The following SULT1E1 variants were observed in gnomAD, a reference collection of about 807,000 sequenced individuals.
SULT1E1 encodes the protein sulfotransferase 1E1.
In SULT1E1, 36 loss-of-function variants were observed where a neutral mutation model predicts 33.6. The observed-to-expected ratio is 1.07, with a 90% CI of 0.82 to 1.41. SULT1E1 has a LOEUF of 1.41. SULT1E1 is among the 40% of genes most tolerant of loss of function. The pLI, the probability that SULT1E1 is intolerant of heterozygous loss-of-function variation, is 0.00. For synonymous variants in SULT1E1, 121 were observed against 111.7 expected, an observed-to-expected ratio of 1.08 and a Z score of -0.53; for missense variants, 371 against 345.7, an observed-to-expected ratio of 1.07 and a Z score of -0.58.
At chr4:69,847,172 T>C (rs1417980245) in intron 6 of SULT1E1, among the ~76,000 whole-genome samples, 2 of 151,746 alleles carry the variant, frequency 1.3e-5, no homozygotes, top group African/African-American at 4.8e-5. Context: ...CATCTCTTAA[T>C]TTTTCATATT....
chr4:69,853,569 C>A (rs1721170413), intron 4 of SULT1E1, among the ~76,000 whole-genome samples: 1 of 152,104 alleles, frequency 6.6e-6, no homozygotes, highest in South Asian at 2.1e-4. Flanking sequence ...GATGCCTTCC[C>A]TACCCCCAGT....
intron 1 of SULT1E1, among the ~76,000 whole-genome samples, chr4:69,859,474 A>G (rs929584055): frequency 1.3e-5 from 2 of 152,284 alleles, no homozygotes; most frequent in Non-Finnish European, 2.9e-5. Flanking sequence ...CTCCAGCACT[A>G]TGACACAAAG....
chr4:69,830,203 G>T, the SULT1E1 span, among the ~76,000 whole-genome samples: 1 of 152,132 alleles, frequency 6.6e-6, no homozygotes, highest in Non-Finnish European at 1.5e-5. Context: ...TTCCTGTAAG[G>T]GCTGCTGCCA....
chr4:69,835,629 T>C, the SULT1E1 span, among the ~76,000 whole-genome samples: 5 of 152,192 alleles, frequency 3.3e-5, no homozygotes, highest in African/African-American at 1.2e-4. Flanking sequence ...GATAAATATT[T>C]ACTGAATACT....
At chr4:69,837,319 T>C (rs77830041), downstream of SULT1E1, among the ~76,000 whole-genome samples, 1,938 of 152,206 alleles carry the variant, frequency 0.013, 16 homozygotes, top group Non-Finnish European at 0.021. Flanking sequence ...AGTAAAACAT[T>C]TGGAGCAATC....
At chr4:69,847,845 C>A in intron 5 of SULT1E1, 53 bp from the exon 6 acceptor site, 2 of 1,027,400 alleles carry the variant, frequency 1.9e-6, no homozygotes, top group South Asian at 1.4e-5. Context: ...TAAAACTGCT[C>A]GAAAACTAGT....
downstream of SULT1E1, among the ~76,000 whole-genome samples, chr4:69,838,149 T>C (rs1281959368): frequency 2.0e-5 from 3 of 152,178 alleles, no homozygotes; most frequent in Non-Finnish European, 4.4e-5. Flanking sequence ...ATTTTAGCAA[T>C]GTAGGTCCTC....
At chr4:69,856,133 T>C (rs982722247) in intron 2 of SULT1E1, among the ~76,000 whole-genome samples, 1 of 152,170 alleles carries the variant, frequency 6.6e-6, no homozygotes, top group African/African-American at 2.4e-5. Flanking sequence ...AGAAGCCCAG[T>C]CTCTCTTTTT....
At chr4:69,857,387 C>T (rs1208853107) in intron 2 of SULT1E1, 113 bp downstream of exon 2, 8 of 1,308,164 alleles carry the variant, frequency 6.1e-6, no homozygotes, top group East Asian at 2.5e-5. Context: ...TCAAAACTAC[C>T]GCATCTGTTC....
intron 5 of SULT1E1, 155 bp downstream of exon 5, chr4:69,849,282 G>T: frequency 1.3e-6 from 1 of 752,736 alleles, no homozygotes; most frequent in Non-Finnish European, 2.0e-6. Context: ...GACACAGTAT[G>T]CTTGCTCTAA....
At chr4:69,831,942 C>G in the SULT1E1 span, among the ~76,000 whole-genome samples, 2 of 152,180 alleles carry the variant, frequency 1.3e-5, no homozygotes, top group Non-Finnish European at 2.9e-5. Flanking sequence ...CACACACTTC[C>G]CCTCTCCCAG....
At chr4:69,850,211 A>G (rs896163969) in intron 4 of SULT1E1, among the ~76,000 whole-genome samples, 3 of 152,102 alleles carry the variant, frequency 2.0e-5, no homozygotes, top group African/African-American at 7.2e-5. Flanking sequence ...AAAACAGTAC[A>G]GTAATTTTTG....
rs185716544 is a variant in SULT1E1, at chr4:69,846,085, A to G, written c.591+1613T>C. On this transcript the variant is annotated intron_variant, in intron 6 of 7. Transcript: ENST00000226444. ...TTTGGTGATAGTAAAGGATAAGAAA[A>G]TAGAGAAAATTTCTCACCTCTTAAT... Among the ~76,000 whole-genome samples the G allele has an allele frequency of 2.1e-4, 31 of 150,792 alleles. No homozygotes were observed. The East Asian group carries it at 5.8e-3, about 28-fold the overall frequency.
In SULT1E1 at chr4:69,855,415, C is replaced by T. The variant is rs1393123762; in HGVS notation, c.157G>A (p.Val53Ile). 1 of 1,610,574 alleles carries T rather than the reference C, an allele frequency of 6.2e-7. No individual in the cohort carries two copies. Among genetic ancestry groups the T allele is most frequent in the Non-Finnish European group, 8.5e-7 (1 of 1,178,262 alleles). ...TAGATCATATACACAATTTCACTAA[C>T]CCAGGTTGTACCTGTAAAAATTAAA... The part of the protein sequence containing the change: ...ATYPKSGTTW[V>I]SEIVYMIYKE... Residue 53 changes from valine to isoleucine, a missense_variant, in exon 3 of 8, where the codon GTT (valine) becomes ATT (isoleucine). Coordinates refer to ENST00000226444, the MANE Select transcript of SULT1E1 (RefSeq NM_005420.3).
intron 4 of SULT1E1, among the ~76,000 whole-genome samples, chr4:69,853,429 A>G (rs1462284737): frequency 6.6e-6 from 1 of 152,110 alleles, no homozygotes; most frequent in Admixed American, 6.6e-5. Context: ...ATCTGCCTTT[A>G]CTTATTTAGC....
intron 6 of SULT1E1, among the ~76,000 whole-genome samples, chr4:69,845,402 C>A: frequency 6.6e-6 from 1 of 150,902 alleles, no homozygotes; most frequent in African/African-American, 2.4e-5. Context: ...GTCATGTACC[C>A]CATAAATATA....
the SULT1E1 span, among the ~76,000 whole-genome samples, chr4:69,822,143 T>A: frequency 6.6e-6 from 1 of 152,236 alleles, no homozygotes; most frequent in Non-Finnish European, 1.5e-5. Context: ...TATGTAATTA[T>A]TGTGATATAA....
chr4:69,859,734 C>T (rs1721325822), intron 1 of SULT1E1, among the ~76,000 whole-genome samples: 1 of 152,184 alleles, frequency 6.6e-6, no homozygotes, highest in East Asian at 1.9e-4. Flanking sequence ...CCTCCTTCTA[C>T]CCTGCTTGCT....
intron 5 of SULT1E1, among the ~76,000 whole-genome samples, chr4:69,848,453 T>G (rs4149535): frequency 0.15 from 22,153 of 151,790 alleles, 1,992 homozygotes; most frequent in Non-Finnish European, 0.2. Context: ...GTTGTGTGAG[T>G]CAAAAGGTTC....
Sources: gnomAD v4.1 joint callset for allele counts (sites outside exome capture counted in the v4.1 genomes callset) on GRCh38, gnomAD v4.1.1 for gene constraint, MANE v1.5 for transcripts, NCBI Gene and HGNC (gene_info 2026-07-23, HGNC 2026-07-21) for gene names.